The following KDM6A variants were observed in gnomAD, a reference collection of about 807,000 sequenced individuals.
KDM6A encodes lysine demethylase 6A.
In KDM6A, 11 loss-of-function variants were observed where a neutral mutation model predicts 117.6. That is an observed-to-expected ratio of 0.09 (90% CI 0.06 to 0.15). The LOEUF (loss-of-function observed/expected upper bound fraction) is 0.15. Ranked by LOEUF, KDM6A falls within the 10% of genes least tolerant of loss-of-function variation. KDM6A has a pLI of 1.00. For synonymous variants in KDM6A, 384 were observed against 396.1 expected (o/e 0.97, Z 0.36); for missense variants, 799 against 1,077.3 (o/e 0.74, Z 3.62).
intron 2 of KDM6A, among the ~76,000 whole-genome samples, chrX:44,895,393 C>T (rs949900928): frequency 1.2e-4 from 13 of 108,191 alleles, no homozygotes; most frequent in Non-Finnish European, 1.9e-4. Flanking sequence ...GCTGGGATTA[C>T]AGACCATGAG....
chrX:45,042,056 C>T (rs760994109), intron 8 of KDM6A, among the ~76,000 whole-genome samples: 2 of 110,246 alleles, frequency 1.8e-5, no homozygotes, highest in South Asian at 7.7e-4. Flanking sequence ...TGGAGACCAG[C>T]CCGGTCAACA....
rs757487488 is a variant in KDM6A at position 45,007,830 on chromosome X, T to A, written c.385-3131T>A. Among the ~76,000 whole-genome samples, 62 of 112,253 alleles carry A rather than the reference T, an allele frequency of 5.5e-4. No individual in the cohort carries two copies. In the South Asian group the frequency reaches 8.1e-3, roughly 15 times the overall value. Reference sequence around the variant, plus strand: ...CCTATGTCTGCTAGTTAGTACCTGTTTCCTTGAGTAAATTGCTTATTCTCT... The same window carrying A: ...CCTATGTCTGCTAGTTAGTACCTGTATCCTTGAGTAAATTGCTTATTCTCT... On this transcript the variant is annotated intron_variant, in intron 4 of 29. Coordinates refer to ENST00000611820, the MANE Select transcript of KDM6A (RefSeq NM_001291415.2).
intron 4 of KDM6A, among the ~76,000 whole-genome samples, chrX:45,006,640 T>G (rs2041506430): frequency 1.8e-5 from 2 of 110,740 alleles, no homozygotes; most frequent in African/African-American, 6.6e-5. Context: ...AGGTAATGAG[T>G]CAGGGTGCAA....
intron 2 of KDM6A, among the ~76,000 whole-genome samples, chrX:44,944,695 TA>T (rs1181492585): frequency 1.8e-5 from 2 of 110,049 alleles, no homozygotes; most frequent in African/African-American, 3.4e-5. Context: ...TTGTATGCGA[TA>T]AAAAAATTTT....
intron 28 of KDM6A, among the ~76,000 whole-genome samples, chrX:45,108,205 A>G (rs949936982): frequency 9.0e-6 from 1 of 111,492 alleles, no homozygotes; most frequent in Non-Finnish European, 1.9e-5. Context: ...TAAAAAAGTG[A>G]TGAGAATCGG....
chrX:45,024,731 T>C (rs2042300563), intron 6 of KDM6A, among the ~76,000 whole-genome samples: 2 of 111,645 alleles, frequency 1.8e-5, no homozygotes, highest in South Asian at 7.4e-4. Context: ...TCTAGAAGAG[T>C]TTTTCTGATG....
At chrX:45,048,821 G>T (rs1417604042) in intron 8 of KDM6A, among the ~76,000 whole-genome samples, 1 of 108,527 alleles carries the variant, frequency 9.2e-6, no homozygotes, top group African/African-American at 3.5e-5. Context: ...GCTGTGTGTG[G>T]AATGTCACTC....
At chrX:44,895,681 CT>C (rs1446164859) in intron 2 of KDM6A, among the ~76,000 whole-genome samples, 4 of 109,139 alleles carry the variant, frequency 3.7e-5, no homozygotes, top group African/African-American at 1.3e-4. Context: ...GTCTCACATA[CT>C]TTTGTATTTG....
intron 2 of KDM6A, among the ~76,000 whole-genome samples, chrX:44,940,024 G>A (rs747585607): frequency 1.8e-5 from 2 of 111,899 alleles, no homozygotes; most frequent in African/African-American, 3.2e-5. Flanking sequence ...TATCCCCAAA[G>A]TATGCTTGTA....
chrX:45,034,821 ATAGCATG>A, intron 6 of KDM6A, 103 bp from the exon 7 acceptor site: 1 of 601,446 alleles, frequency 1.7e-6, no homozygotes, highest in Admixed American at 2.4e-5. Flanking sequence ...TTTTATTTGC[ATAGCATG>A]TATTTATTAT....
intron 4 of KDM6A, among the ~76,000 whole-genome samples, chrX:44,989,401 C>T (rs2040447024): frequency 9.3e-6 from 1 of 107,442 alleles, no homozygotes; most frequent in Non-Finnish European, 1.9e-5. Context: ...TGGGCTGCAC[C>T]CACTGTCCTG....
chrX:44,982,988 G>T (rs773802509), intron 4 of KDM6A, among the ~76,000 whole-genome samples: 1 of 112,011 alleles, frequency 8.9e-6, no homozygotes, highest in East Asian at 2.8e-4. Context: ...AAGGAAGACA[G>T]AACTATAATT....
intron 20 of KDM6A, 63 bp from the exon 21 acceptor site, chrX:45,079,083 G>A (rs909452053): frequency 8.7e-5 from 79 of 903,110 alleles, no homozygotes; most frequent in Admixed American, 5.4e-4. Flanking sequence ...AAAAAAAAAA[G>A]CACTTAAAAT....
intron 2 of KDM6A, among the ~76,000 whole-genome samples, chrX:44,907,469 GGT>G (rs1491462587): frequency 0.03 from 2,674 of 90,272 alleles, 122 homozygotes; most frequent in African/African-American, 0.13. Context: ...GTGTGTGTGT[GGT>G]TTTTTTTTTC....
At chrX:45,047,375 T>C (rs2147885634) in intron 8 of KDM6A, among the ~76,000 whole-genome samples, 1 of 108,295 alleles carries the variant, frequency 9.2e-6, no homozygotes, top group South Asian at 3.9e-4. Context: ...ATGCTTTCTT[T>C]TTTTTTTTTT....
At chrX:45,079,481 TC>T in intron 21 of KDM6A, 130 bp downstream of exon 21, 6 of 495,709 alleles carry the variant, frequency 1.2e-5, no homozygotes, top group Non-Finnish European at 1.7e-5. Context: ...GTAAGTGTTC[TC>T]CAGTTGTCTC....
intron 2 of KDM6A, among the ~76,000 whole-genome samples, chrX:44,913,303 T>TG (rs2146812465): frequency 9.5e-6 from 1 of 105,445 alleles, no homozygotes; most frequent in South Asian, 4.3e-4. Flanking sequence ...TAACTGTTTT[T>TG]TTTTTTTTTT....
chrX:44,956,577 T>A (rs766835607), intron 2 of KDM6A, among the ~76,000 whole-genome samples: 20 of 110,653 alleles, frequency 1.8e-4, no homozygotes, highest in East Asian at 8.6e-4. Flanking sequence ...TAATTTTTTT[T>A]AATTTTTGTA....
intron 2 of KDM6A, among the ~76,000 whole-genome samples, chrX:44,902,397 T>C (rs1398903088): frequency 4.4e-5 from 4 of 91,565 alleles, no homozygotes; most frequent in Middle Eastern, 5.1e-3. Flanking sequence ...CATTTCTACC[T>C]TTTTTTTTTT....
Sources: allele counts gnomAD v4.1 joint callset (sites outside exome capture counted in the v4.1 genomes callset), GRCh38; gene constraint gnomAD v4.1.1; transcripts MANE v1.5; gene names NCBI Gene and HGNC (gene_info 2026-07-23, HGNC 2026-07-21).